PDZK1: variants seen among roughly 807,000 people sequenced by gnomAD.
PDZK1 encodes the protein Na(+)/H(+) exchange regulatory cofactor NHE-RF3.
PDZK1 carries 23 observed loss-of-function variants against 38.1 expected under a neutral mutation model. The observed-to-expected ratio is 0.60, with a 90% CI of 0.43 to 0.85. The LOEUF (loss-of-function observed/expected upper bound fraction) is 0.85, where lower values mean the gene tolerates loss of function less well. PDZK1 is among the 40% of genes least tolerant of loss of function. PDZK1 has a pLI of 0.00. For synonymous variants in PDZK1, 98 were observed against 186.2 expected, an observed-to-expected ratio of 0.53 and a Z score of 3.86; for missense variants, 297 against 504.3, an observed-to-expected ratio of 0.59 and a Z score of 3.94.
intron 3 of PDZK1, among the ~76,000 whole-genome samples, chr1:145,684,052 G>A (rs587648581): frequency 1.4e-3 from 211 of 150,524 alleles, no homozygotes; most frequent in African/African-American, 5.0e-3. Flanking sequence ...TCGCCATGTT[G>A]GCCAGGCTTG....
chr1:145,690,686 G>C (rs1655172244), intron 1 of PDZK1, among the ~76,000 whole-genome samples: 1 of 152,150 alleles, frequency 6.6e-6, no homozygotes, highest in African/African-American at 2.4e-5. Flanking sequence ...GCCCTGCAGT[G>C]TCAACCACAA....
chr1:145,679,751 CATT>C (rs1654051979), intron 5 of PDZK1, among the ~76,000 whole-genome samples: 1 of 152,154 alleles, frequency 6.6e-6, no homozygotes, highest in Admixed American at 6.5e-5. Flanking sequence ...GCCCCCAAGA[CATT>C]ATAGGCTGGT....
chr1:145,680,212 C>G (rs1416071644), intron 5 of PDZK1, among the ~76,000 whole-genome samples: 1 of 152,018 alleles, frequency 6.6e-6, no homozygotes, highest in African/African-American at 2.4e-5. Flanking sequence ...TAAAGAATTC[C>G]TGTCTGCTTC....
rs1346875971 is a variant in PDZK1 at position 145,686,350 on chromosome 1, C to A, written c.460+127G>T. ...AGAGACGGAGGGAGGCAAGCTGTTGCAAGCTATCTATAGCAACTGAAAAGT... is the reference window on the plus strand; with the variant it reads ...AGAGACGGAGGGAGGCAAGCTGTTGAAAGCTATCTATAGCAACTGAAAAGT... On this transcript the variant is annotated intron_variant, in intron 3 of 8. Coordinates refer to ENST00000417171, the MANE Select transcript of PDZK1 (RefSeq NM_001201325.2). 4.1e-5 allele frequency: 47 copies of A among 1,138,122 alleles called. No homozygotes were observed. In the South Asian group the frequency reaches 4.5e-4, roughly 11 times the overall value. 70.5% of individuals were successfully genotyped at this position (1,138,122 alleles called of 1,614,324 possible).
rs9629813 is a variant in PDZK1 at position 145,683,629 on chromosome 1, C to T, written c.461-993G>A. ...CCCCCTTAACCATGGGGGATACATT[C>T]CAAGACCCCCAGTGGAGGCCTGAAA... On this transcript the variant is annotated intron_variant, in intron 3 of 8. Coordinates refer to ENST00000417171, the MANE Select transcript of PDZK1 (RefSeq NM_001201325.2). 5.6e-3 allele frequency among the ~76,000 whole-genome samples: 859 copies of T among 152,186 alleles called. 4 individuals are homozygous for T. Among genetic ancestry groups the T allele is most frequent in the African/African-American group, 0.02 (834 of 41,502 alleles).
In PDZK1 at chr1:145,683,071, G is replaced by T. The variant is rs587684223; in HGVS notation, c.461-435C>A. Among the ~76,000 whole-genome samples, 6 of 152,272 alleles carry T rather than the reference G, an allele frequency of 3.9e-5. No homozygotes were observed. The South Asian group carries it at 1.2e-3, about 32-fold the overall frequency. On this transcript the variant is annotated intron_variant, in intron 3 of 8. Coordinates refer to ENST00000417171, the MANE Select transcript of PDZK1 (RefSeq NM_001201325.2). ...CCTTTGGCCTTTGAGGGACTGCTTT[G>T]CATACACCACCCTTTCACAGAACAC...
intron 3 of PDZK1, among the ~76,000 whole-genome samples, chr1:145,683,391 C>T (rs1654448987): frequency 6.6e-6 from 1 of 152,236 alleles, no homozygotes. Flanking sequence ...CCTTTCTTTG[C>T]ATTTGTAGAA....
intron 1 of PDZK1, among the ~76,000 whole-genome samples, chr1:145,702,676 G>C (rs1261208963): frequency 6.6e-6 from 1 of 152,090 alleles, no homozygotes; most frequent in Non-Finnish European, 1.5e-5. Context: ...GGCGGATCAC[G>C]AGGTCAGGAG....
intron 1 of PDZK1, among the ~76,000 whole-genome samples, chr1:145,697,125 C>T (rs1655671782): frequency 6.6e-6 from 1 of 152,124 alleles, no homozygotes; most frequent in Non-Finnish European, 1.5e-5. Context: ...GTTAGGAGTT[C>T]AAGACCAGCC....
At position 145,692,750 on chromosome 1, in the gene PDZK1, C is replaced by G. The variant is rs587763652; in HGVS notation, c.-2-4727G>C. On this transcript the variant is annotated intron_variant, in intron 1 of 8. Transcript: ENST00000417171. ...GAAGAAGAAAGAAAGAAAAAGAATT[C>G]TGGACTGGGCGCAGTGGCTCACGCC... 3.8e-4 allele frequency among the ~76,000 whole-genome samples: 57 copies of G among 151,446 alleles called. No individual in the cohort carries two copies. The South Asian group carries it at 0.012, about 31-fold the overall frequency.
At chr1:145,671,596 ATTTC>A (rs1190210156) in intron 8 of PDZK1, 107 bp from the exon 9 acceptor site, 86 of 613,318 alleles carry the variant, frequency 1.4e-4, no homozygotes, top group Non-Finnish European at 2.2e-4. Flanking sequence ...ACTCACTAGA[ATTTC>A]TTTCTTTCAC....
rs587721718 is a variant in PDZK1, at chr1:145,674,498, A to G, written c.991-617T>C. 2.2e-3 allele frequency among the ~76,000 whole-genome samples: 339 copies of G among 152,266 alleles called. 1 individual carries two copies. Among genetic ancestry groups the G allele is most frequent in the Non-Finnish European group, 4.2e-3 (283 of 68,022 alleles). On this transcript the variant is annotated intron_variant, in intron 6 of 8. Coordinates refer to ENST00000417171, the MANE Select transcript of PDZK1 (RefSeq NM_001201325.2). ...ATGCGAGTCTGAGTGAACTACAGAA[A>G]AGGCAAAGGTGTCAGTCTGTCTGCT... is the stretch of plus-strand genomic sequence containing the variant.
In PDZK1 at chr1:145,686,480, G is replaced by A. The variant is rs782770757; in HGVS notation, c.457C>T (p.Gln153Ter). The change falls in exon 3 of 9, where the codon CAA becomes TAA. Residue 153 changes from glutamine to a stop codon, truncating the protein, a stop_gained. Coordinates refer to ENST00000417171, the MANE Select transcript of PDZK1 (RefSeq NM_001201325.2). LOFTEE classifies it high-confidence loss of function. ...GSYGFSLKTV[Q>*]GKKGVYMTDI... Reference sequence around the variant, plus strand: ...CTGCTCCCCAAAAAATTCTCACCTTGGACAGTTTTCAGAGAGAAGCCATAG... The same window carrying A: ...CTGCTCCCCAAAAAATTCTCACCTTAGACAGTTTTCAGAGAGAAGCCATAG... 15 of 1,611,838 alleles carry A rather than the reference G, an allele frequency of 9.3e-6. No individual in the cohort carries two copies. Among genetic ancestry groups the A allele is most frequent in the Non-Finnish European group, 1.2e-5 (14 of 1,179,828 alleles).
chr1:145,687,541 A>G (rs1196497114), intron 2 of PDZK1, among the ~76,000 whole-genome samples: 2 of 151,620 alleles, frequency 1.3e-5, no homozygotes. Context: ...AAAAAAAAAA[A>G]AAAAAATACC....
At chr1:145,684,207 C>CT (rs1162290584) in intron 3 of PDZK1, among the ~76,000 whole-genome samples, 2,609 of 120,046 alleles carry the variant, frequency 0.022, 44 homozygotes, top group South Asian at 0.036. Context: ...GCATTTTTGG[C>CT]TTTTTTTTTT....
chr1:145,688,419 A>T (rs587617849), intron 1 of PDZK1, among the ~76,000 whole-genome samples: 38 of 152,322 alleles, frequency 2.5e-4, no homozygotes, highest in African/African-American at 8.4e-4. Flanking sequence ...AATCGAGGTT[A>T]AATCTGTAGA....
At chr1:145,676,753 C>G (rs1182645064) in intron 6 of PDZK1, among the ~76,000 whole-genome samples, 3 of 151,476 alleles carry the variant, frequency 2.0e-5, no homozygotes, top group African/African-American at 7.3e-5. Context: ...TGTGCTCCTT[C>G]TTACATGTAA....
chr1:145,680,171 C>T (rs1553700034), intron 5 of PDZK1, among the ~76,000 whole-genome samples: 1 of 152,128 alleles, frequency 6.6e-6, no homozygotes. Context: ...ATGGACATAT[C>T]TCTTATCTAC....
rs371866057 is a variant in PDZK1, at chr1:145,707,137, G to A, written c.-3+180C>T. ...TCTCCAGCAGAAAGAATCTCAGAGC[G>A]TGGATCATCTCTCACCCCCAACCAC... On this transcript the variant is annotated intron_variant, in intron 1 of 8. Transcript: ENST00000417171. Among the ~76,000 whole-genome samples, 30 of 152,248 alleles carry A rather than the reference G, an allele frequency of 2.0e-4. No homozygotes were observed. The East Asian group carries it at 4.4e-3, about 23-fold the overall frequency.
Sources: gnomAD v4.1 joint callset for allele counts (sites outside exome capture counted in the v4.1 genomes callset) on GRCh38, gnomAD v4.1.1 for gene constraint, MANE v1.5 for transcripts, NCBI Gene and HGNC (gene_info 2026-07-23, HGNC 2026-07-21) for gene names.